Variants in ITPKB observed in about 807,000 individuals in gnomAD.
The protein encoded by ITPKB is IP3 3-kinase B.
In ITPKB, 13 loss-of-function variants were observed where a neutral mutation model predicts 69.4. The observed-to-expected ratio is 0.19, with a 90% confidence interval of 0.12 to 0.30. The LOEUF (loss-of-function observed/expected upper bound fraction) is 0.30, where lower values mean the gene tolerates loss of function less well. Among genes scored for constraint, ITPKB ranks in the 10% least tolerant of loss-of-function variants. The pLI is 1.00. For missense variants in ITPKB, 1,240 were observed against 1,250.5 expected (o/e 0.99, Z 0.13); for synonymous variants, 584 against 513.7 (o/e 1.14, Z -1.85).
At chr1:226,660,949 TC>T (rs757133971) in intron 2 of ITPKB, among the ~76,000 whole-genome samples, 28 of 152,182 alleles carry the variant, frequency 1.8e-4, no homozygotes, top group Admixed American at 7.8e-4. Flanking sequence ...CATCCACTCC[TC>T]CCCAGAGATT....
At position 226,634,897 on chromosome 1, in the gene ITPKB, C is replaced by T; in HGVS notation, c.2626-11G>A. ...GGAGCTGCCAATGACCTGAGGAGAACATGGGGGTGAAGGGTGAGCTGAAGC... is the reference window on the plus strand; with the variant it reads ...GGAGCTGCCAATGACCTGAGGAGAATATGGGGGTGAAGGGTGAGCTGAAGC... On this transcript the variant is annotated splice_polypyrimidine_tract_variant and intron_variant, in intron 7 of 7. Coordinates refer to ENST00000429204, the MANE Select transcript of ITPKB (RefSeq NM_002221.4). The surrounding 1 kb of genome is among the most constrained non-coding windows in gnomAD (Gnocchi z 6.3). 6.2e-7 allele frequency: 1 copy of T among 1,605,366 alleles called. No individual in the cohort carries two copies. Among genetic ancestry groups the T allele is most frequent in the Non-Finnish European group, 8.5e-7 (1 of 1,173,934 alleles).
chr1:226,642,880 A>G lies in ITPKB; in HGVS notation c.2247-755T>C, dbSNP rs977565103. Among the ~76,000 whole-genome samples the G allele has an allele frequency of 2.0e-5, 3 of 152,150 alleles. No individual in the cohort carries two copies. The highest frequency in any genetic ancestry group is 4.4e-5 in the Non-Finnish European group (3 of 68,022). ...CATAAGTGTCTCTGGCTCTTTCCAA[A>G]GAGGTGAAATCTTCTGGAGCACAAA... is the stretch of plus-strand genomic sequence containing the variant. On this transcript the variant is annotated intron_variant, in intron 4 of 7. Transcript: ENST00000429204. This position sits in a 1 kb window ranked among gnomAD's most constrained non-coding sequence, Gnocchi z 6.4.
intron 2 of ITPKB, among the ~76,000 whole-genome samples, chr1:226,712,337 G>A (rs1192971322): frequency 1.3e-5 from 2 of 152,176 alleles, no homozygotes; most frequent in African/African-American, 4.8e-5. Flanking sequence ...AGCCTTCGTG[G>A]TCACTGCAGG....
chr1:226,736,729 T>G lies in ITPKB; in HGVS notation c.730A>C (p.Thr244Pro). The change falls in exon 2 of 8, where the codon ACA (threonine) becomes CCA (proline). Residue 244 changes from threonine to proline, a missense_variant. By Grantham distance (38) the Thr-to-Pro change is conservative. Around this residue, in one of 2 missense-constraint regions of ITPKB, gnomAD observed 992 missense variants for 853.8 expected, o/e 1.16. Coordinates refer to ENST00000429204, the MANE Select transcript of ITPKB (RefSeq NM_002221.4). ...MPPLPGRAAP[T>P]GSEAQGPSAF... ...GATGGACCCTGAGCCTCTGATCCTG[T>G]AGGGGCAGCCCGGCCGGGAAGAGGT... 6.2e-7 allele frequency: 1 copy of G among 1,612,772 alleles called. No homozygotes were observed. Among genetic ancestry groups the G allele is most frequent in the Non-Finnish European group, 8.5e-7 (1 of 1,179,738 alleles).
rs763524253 is a variant in ITPKB at position 226,639,610 on chromosome 1, C to G, written c.2500G>C (p.Glu834Gln). The G allele has an allele frequency of 5.6e-6, 9 of 1,614,068 alleles. No homozygotes were observed. Among genetic ancestry groups the G allele is most frequent in the Non-Finnish European group, 7.6e-6 (9 of 1,179,906 alleles). ...NRDFKKTKTR[E>Q]QVTEAFREFT... Reference sequence around the variant, plus strand: ...TCTCTGAAGGCCTCGGTGACCTGCTCCCTCGTTTTGGTCTTCTTGAAGTCC... The same window carrying G: ...TCTCTGAAGGCCTCGGTGACCTGCTGCCTCGTTTTGGTCTTCTTGAAGTCC... The change falls in exon 6 of 8, where the codon GAG becomes CAG. Residue 834 changes from glutamate (E) to glutamine (Q), a missense_variant. Coordinates refer to ENST00000429204, the MANE Select transcript of ITPKB (RefSeq NM_002221.4).
At chr1:226,700,465 CAAAAAAAAAAAA>C (rs58320585) in intron 2 of ITPKB, among the ~76,000 whole-genome samples, 14 of 53,942 alleles carry the variant, frequency 2.6e-4, no homozygotes, top group African/African-American at 9.4e-4. Context: ...AAGACTCCGT[CAAAAAAAAAAAA>C]AAAAAAAAAA....
At chr1:226,646,582 G>T (rs1334974036) in intron 4 of ITPKB, among the ~76,000 whole-genome samples, 1 of 152,192 alleles carries the variant, frequency 6.6e-6, no homozygotes, top group Non-Finnish European at 1.5e-5. Flanking sequence ...CACAGGCCCA[G>T]TGACTGCTCC....
intron 2 of ITPKB, among the ~76,000 whole-genome samples, chr1:226,686,950 C>G (rs1465057893): frequency 6.6e-6 from 1 of 152,170 alleles, no homozygotes; most frequent in Non-Finnish European, 1.5e-5. Flanking sequence ...TGTGCTGTGA[C>G]AACAGAAGTC....
chr1:226,706,051 G>A (rs372831721), intron 2 of ITPKB, among the ~76,000 whole-genome samples: 2 of 152,350 alleles, frequency 1.3e-5, no homozygotes, highest in Admixed American at 1.3e-4. Context: ...GGGTCAGCAG[G>A]CAGAGGCTAG....
At chr1:226,696,702 A>G (rs574288313) in intron 2 of ITPKB, among the ~76,000 whole-genome samples, 61 of 152,202 alleles carry the variant, frequency 4.0e-4, no homozygotes, top group African/African-American at 1.3e-3. Context: ...GCACACGCGC[A>G]CACACACACA....
At chr1:226,699,243 A>G (rs1183499989) in intron 2 of ITPKB, among the ~76,000 whole-genome samples, 2 of 152,254 alleles carry the variant, frequency 1.3e-5, no homozygotes, top group African/African-American at 4.8e-5. Flanking sequence ...AGAGAAAGGA[A>G]AGGTGCAAGA....
At chr1:226,724,521 A>T (rs1657348613) in intron 2 of ITPKB, among the ~76,000 whole-genome samples, 1 of 152,186 alleles carries the variant, frequency 6.6e-6, no homozygotes, top group South Asian at 2.1e-4. Context: ...ACGCTGTGCT[A>T]GGCATTTCCC....
intron 2 of ITPKB, among the ~76,000 whole-genome samples, chr1:226,685,218 C>T (rs1338571075): frequency 6.6e-6 from 1 of 152,210 alleles, no homozygotes; most frequent in Admixed American, 6.5e-5. Context: ...TCAACCTGTC[C>T]TCTTGCCATC....
chr1:226,689,064 A>G (rs77565169), intron 2 of ITPKB, among the ~76,000 whole-genome samples: 1 of 152,168 alleles, frequency 6.6e-6, no homozygotes, highest in Non-Finnish European at 1.5e-5. Flanking sequence ...TAGCTTTATG[A>G]AAATTCCTAA....
rs574594990 is a variant in ITPKB at position 226,635,476 on chromosome 1, T to C, written c.2626-590A>G. Among the ~76,000 whole-genome samples, 6 of 152,338 alleles carry C rather than the reference T, an allele frequency of 3.9e-5. No homozygotes were observed. In the South Asian group the frequency reaches 1.2e-3, roughly 32 times the overall value. ...CCTAAGCTCAAGCCATTCTCCTGCC[T>C]TGGCCTCGGAAAGTGCTGAGATTAC... On this transcript the variant is annotated intron_variant, in intron 7 of 7. Coordinates refer to ENST00000429204, the MANE Select transcript of ITPKB (RefSeq NM_002221.4).
chr1:226,736,963 T>G lies in ITPKB; in HGVS notation c.496A>C (p.Ser166Arg), dbSNP rs753100926. The change falls in exon 2 of 8, where the codon AGC becomes CGC. Residue 166 changes from serine to arginine, a missense_variant. By Grantham distance (110) the Ser-to-Arg change is moderately radical (BLOSUM62 -1). Coordinates refer to ENST00000429204, the MANE Select transcript of ITPKB (RefSeq NM_002221.4). ...AQSSAIQAPR[S>R]PRLGRARSPS... ...GAGCGAGCCCTGCCCAAACGCGGGC[T>G]GCGGGGCGCTTGAATGGCGGAGCTC... 3.1e-6 allele frequency: 5 copies of G among 1,612,312 alleles called. No homozygotes were observed. Among genetic ancestry groups the G allele is most frequent in the Non-Finnish European group, 4.2e-6 (5 of 1,179,946 alleles).
rs1669647691 is a variant in ITPKB, at chr1:226,672,970, CTG to C, written c.1933-24201_1933-24200del. Among the ~76,000 whole-genome samples the C allele has an allele frequency of 2.0e-5, 3 of 152,352 alleles. No individual in the cohort carries two copies. In the South Asian group the frequency reaches 6.2e-4, roughly 32 times the overall value. ...ATTAACAAAGCAAAAACCTGCCACA[CTG>C]TGAATGATGGCCCTTCCCAACCAGA... On this transcript the variant is annotated intron_variant, in intron 2 of 7. Transcript: ENST00000429204.
At chr1:226,665,929 A>G (rs1290515615) in intron 2 of ITPKB, among the ~76,000 whole-genome samples, 2 of 152,146 alleles carry the variant, frequency 1.3e-5, no homozygotes, top group East Asian at 3.9e-4. Flanking sequence ...TCAACACTCA[A>G]AATGCTAGGA....
chr1:226,719,453 T>G (rs946496675), intron 2 of ITPKB, among the ~76,000 whole-genome samples: 3 of 152,204 alleles, frequency 2.0e-5, no homozygotes, highest in African/African-American at 7.2e-5. Context: ...TGACCGCAGC[T>G]GTGCTCCTTT....
Sources: gnomAD v4.1 joint callset for allele counts (sites outside exome capture counted in the v4.1 genomes callset) on GRCh38, gnomAD v4.1.1 for gene constraint, gnomAD v4.1.1 regional missense constraint, Gnocchi (gnomAD v3.1) non-coding constraint, MANE v1.5 for transcripts, NCBI Gene and HGNC (gene_info 2026-07-23, HGNC 2026-07-21) for gene names.